Variants in ERG observed in about 807,000 individuals in gnomAD.
ERG encodes transcriptional regulator ERG.
In ERG, 9 loss-of-function variants were observed where a neutral mutation model predicts 55.3. That is an observed-to-expected ratio of 0.16 (90% CI 0.10 to 0.28). The LOEUF is 0.28. ERG is among the 10% of genes least tolerant of loss of function. The probability of loss-of-function intolerance (pLI) is 1.00; values close to 1 mark genes in which losing one functional copy is unlikely to be tolerated. For synonymous variants in ERG, 223 were observed against 237.3 expected, an observed-to-expected ratio of 0.94 and a Z score of 0.55; for missense variants, 434 against 631.6, an observed-to-expected ratio of 0.69 and a Z score of 3.35.
chr21:38,466,206 A>G lies in ERG; in HGVS notation c.19-20585T>C, dbSNP rs557616471. On this transcript the variant is annotated intron_variant, in intron 1 of 9. Transcript: ENST00000288319. ...GTCTTGTTGTTGTCCATGTATCAGC[A>G]TTCTTGTATGAATGAAACTAGAACC... Among the ~76,000 whole-genome samples, 3 of 152,184 alleles carry G rather than the reference A, an allele frequency of 2.0e-5. No homozygotes were observed. In the South Asian group the frequency reaches 6.2e-4, roughly 32 times the overall value.
chr21:38,535,130 C>T (rs961911516), intron 2 of ERG, among the ~76,000 whole-genome samples: 3 of 151,784 alleles, frequency 2.0e-5, no homozygotes, highest in African/African-American at 7.3e-5. Flanking sequence ...CCCCAACATA[C>T]ACCATAGATG....
Position 38,506,031 on chromosome 21 carries a change from G to T in ERG, c.-41+69631C>A, listed in dbSNP as rs13048237. ...TAATGCAGAAATGGTGTTTTTTTTTGAAAAATTTGGATTGTTCATTATTAT... is the reference window on the plus strand; with the variant it reads ...TAATGCAGAAATGGTGTTTTTTTTTTAAAAATTTGGATTGTTCATTATTAT... On this transcript the variant is annotated intron_variant, in intron 2 of 8. Transcript: ENST00000398897. 3.7e-3 allele frequency among the ~76,000 whole-genome samples: 476 copies of T among 129,080 alleles called. 1 individual carries two copies. Among genetic ancestry groups the T allele is most frequent in the African/African-American group, 0.012 (397 of 34,182 alleles). 84.7% of individuals were successfully genotyped at this position (129,080 alleles called of 152,430 possible). A position where few individuals can be genotyped will look rare whatever the true frequency, so the allele number is the denominator to read the frequency against.
At chr21:38,600,124 C>A (rs916017598) in intron 1 of ERG, among the ~76,000 whole-genome samples, 13 of 152,176 alleles carry the variant, frequency 8.5e-5, no homozygotes, top group Admixed American at 5.2e-4. Context: ...AGACAAACAC[C>A]AAGAGGCAGA....
At chr21:38,655,444 T>C (rs2060513029) in intron 1 of ERG, among the ~76,000 whole-genome samples, 1 of 152,186 alleles carries the variant, frequency 6.6e-6, no homozygotes, top group South Asian at 2.1e-4. Flanking sequence ...AATGCAATGC[T>C]AGCATTGCAC....
intron 1 of ERG, among the ~76,000 whole-genome samples, chr21:38,632,924 G>A (rs2060365944): frequency 6.6e-6 from 1 of 152,146 alleles, no homozygotes; most frequent in African/African-American, 2.4e-5. Flanking sequence ...ATAGATATTT[G>A]CATACCCACA....
chr21:38,621,401 G>C (rs774064471), intron 1 of ERG, among the ~76,000 whole-genome samples: 1 of 152,160 alleles, frequency 6.6e-6, no homozygotes, highest in Non-Finnish European at 1.5e-5. Flanking sequence ...GTCCGTTCCA[G>C]GTGGCAACTT....
At chr21:38,504,190 T>C (rs754201374) in intron 2 of ERG, among the ~76,000 whole-genome samples, 4 of 152,248 alleles carry the variant, frequency 2.6e-5, no homozygotes, top group Non-Finnish European at 4.4e-5. Context: ...CCAAGGAAAC[T>C]GTTATCACAT....
At chr21:38,396,171 GA>G (rs112841377) in intron 6 of ERG, among the ~76,000 whole-genome samples, 18 of 151,054 alleles carry the variant, frequency 1.2e-4, no homozygotes, top group Non-Finnish European at 2.4e-4. Context: ...TCTGTGAAAT[GA>G]AAAAAAAAGT....
intron 1 of ERG, chr21:38,451,139 G>T: frequency 2.1e-6 from 1 of 486,456 alleles, no homozygotes; most frequent in Non-Finnish European, 4.1e-6. Context: ...AGAGAGAGAG[G>T]CTGGTAGAGG....
upstream of ERG, among the ~76,000 whole-genome samples, chr21:38,500,844 T>C (rs868403832): frequency 2.0e-5 from 3 of 152,178 alleles, no homozygotes; most frequent in Admixed American, 6.5e-5. Flanking sequence ...AAAAAGTTAA[T>C]TTGGGGATAC....
intron 1 of ERG, among the ~76,000 whole-genome samples, chr21:38,625,351 GT>G (rs148638483): frequency 6.6e-6 from 1 of 151,144 alleles, no homozygotes; most frequent in Non-Finnish European, 1.5e-5. Context: ...CCATTAGTTT[GT>G]TTTTTTTTAA....
At chr21:38,574,226 T>A (rs922348868) in intron 2 of ERG, among the ~76,000 whole-genome samples, 9 of 152,208 alleles carry the variant, frequency 5.9e-5, no homozygotes, top group African/African-American at 2.2e-4. Flanking sequence ...AGAAAGTCTT[T>A]CTCCCACTTT....
chr21:38,426,373 T>C (rs1033263998), intron 2 of ERG, among the ~76,000 whole-genome samples: 3 of 152,176 alleles, frequency 2.0e-5, no homozygotes, highest in African/African-American at 7.2e-5. Flanking sequence ...TATGTTTTGG[T>C]ATATTTGTCT....
At chr21:38,371,599 C>T in the ERG span, among the ~76,000 whole-genome samples, 1 of 152,044 alleles carries the variant, frequency 6.6e-6, no homozygotes, top group South Asian at 2.1e-4. Context: ...CTTAATTTTA[C>T]TTTCTATATG....
chr21:38,583,166 C>G (rs1469617464), intron 1 of ERG, among the ~76,000 whole-genome samples: 1 of 152,190 alleles, frequency 6.6e-6, no homozygotes, highest in Non-Finnish European at 1.5e-5. Context: ...AGATATTAGG[C>G]AAATCAGTCT....
At position 38,380,053 on chromosome 21, in the gene ERG, G is replaced by A; in HGVS notation, c.*3350C>T. Reference sequence around the variant, plus strand: ...TTGGTGTATTTTTGAGTAGTCCAAAGTAATTTTTATTCTCTAATTAGTCAC... The same window carrying A: ...TTGGTGTATTTTTGAGTAGTCCAAAATAATTTTTATTCTCTAATTAGTCAC... On this transcript the variant is annotated 3_prime_UTR_variant, in exon 10 of 10. Transcript: ENST00000288319. The A allele has an allele frequency of 2.0e-6, 2 of 1,014,212 alleles. No individual in the cohort carries two copies. Among genetic ancestry groups the A allele is most frequent in the African/African-American group, 1.7e-5 (1 of 58,356 alleles). The allele number at this position is 1,014,212 out of a possible 1,614,324, so 62.8% of individuals were successfully genotyped here.
rs990099782 is a variant in ERG at position 38,381,989 on chromosome 21, A to G, written c.*1414T>C. The G allele has an allele frequency of 5.7e-6, 6 of 1,061,462 alleles. No homozygotes were observed. Among genetic ancestry groups the G allele is most frequent in the Non-Finnish European group, 6.8e-6 (6 of 876,640 alleles). 65.8% of individuals were successfully genotyped at this position (1,061,462 alleles called of 1,614,324 possible). ...GCACATGTTTTCATTAAGCAACTTTAGTCACTAAAAAAAGTGCAAATGCAG... is the reference window on the plus strand; with the variant it reads ...GCACATGTTTTCATTAAGCAACTTTGGTCACTAAAAAAAGTGCAAATGCAG... On this transcript the variant is annotated 3_prime_UTR_variant, in exon 10 of 10. Coordinates refer to ENST00000288319, the MANE Select transcript of ERG (RefSeq NM_182918.4).
chr21:38,539,938 C>T (rs150862879), intron 2 of ERG, among the ~76,000 whole-genome samples: 1 of 149,278 alleles, frequency 6.7e-6, no homozygotes, highest in Non-Finnish European at 1.5e-5. Context: ...GCTCTGTCGC[C>T]CAGGCTGGAG....
chr21:38,593,556 G>A (rs935746692), intron 1 of ERG, among the ~76,000 whole-genome samples: 1 of 151,960 alleles, frequency 6.6e-6, no homozygotes, highest in South Asian at 2.1e-4. Context: ...ATAATTACAA[G>A]GTCAAATCTT....
Sources: allele counts gnomAD v4.1 joint callset (sites outside exome capture counted in the v4.1 genomes callset), GRCh38; gene constraint gnomAD v4.1.1; transcripts MANE v1.5; gene names NCBI Gene and HGNC (gene_info 2026-07-23, HGNC 2026-07-21).